Variants in RBFOX1 observed in about 807,000 individuals in gnomAD.
The protein encoded by RBFOX1 is RNA binding fox-1 homolog 1.
In RBFOX1, 8 loss-of-function variants were observed where a neutral mutation model predicts 57.7. The observed-to-expected ratio is 0.14, with a 90% CI of 0.08 to 0.25. RBFOX1 has a LOEUF of 0.25. Among genes scored for constraint, RBFOX1 ranks in the 10% least tolerant of loss-of-function variants. The pLI, the probability that RBFOX1 is intolerant of heterozygous loss-of-function variation, is 1.00. For missense variants in RBFOX1, 611 were observed against 548.5 expected (o/e 1.11, Z -1.14); for synonymous variants, 326 against 222.4 (o/e 1.47, Z -4.15).
At chr16:7,517,246 C>G (rs1349779103) in intron 4 of RBFOX1, among the ~76,000 whole-genome samples, 1 of 149,562 alleles carries the variant, frequency 6.7e-6, no homozygotes, top group Non-Finnish European at 1.5e-5. Context: ...GAAATGGAAG[C>G]ATTTGTATTC....
intron 3 of RBFOX1, among the ~76,000 whole-genome samples, chr16:5,723,753 C>G (rs1218666399): frequency 6.6e-6 from 1 of 152,208 alleles, no homozygotes; most frequent in African/African-American, 2.4e-5. Context: ...GATCTTTGGT[C>G]TAAGGTTGAG....
At chr16:7,269,602 T>G (rs1474276724) in intron 4 of RBFOX1, among the ~76,000 whole-genome samples, 1 of 152,196 alleles carries the variant, frequency 6.6e-6, no homozygotes, top group Admixed American at 6.5e-5. Flanking sequence ...TTTGGGAAAT[T>G]ACATGTAATG....
At chr16:6,901,272 T>C (rs937224568) in intron 3 of RBFOX1, among the ~76,000 whole-genome samples, 2 of 152,196 alleles carry the variant, frequency 1.3e-5, no homozygotes, top group Non-Finnish European at 2.9e-5. Flanking sequence ...TGTTCATCTC[T>C]TCTGTCTAAG....
chr16:6,951,702 C>G (rs1024489435), intron 3 of RBFOX1, among the ~76,000 whole-genome samples: 2 of 152,054 alleles, frequency 1.3e-5, no homozygotes, highest in African/African-American at 4.8e-5. Flanking sequence ...AATGTCCACC[C>G]AGATTCAAGG....
intron 4 of RBFOX1, among the ~76,000 whole-genome samples, chr16:7,107,969 A>G (rs2063911065): frequency 6.7e-6 from 1 of 150,240 alleles, no homozygotes; most frequent in Non-Finnish European, 1.5e-5. Flanking sequence ...ATTATTTTGA[A>G]AAATGCAATT....
chr16:7,628,773 C>G (rs1226632338), intron 10 of RBFOX1, among the ~76,000 whole-genome samples: 1 of 152,058 alleles, frequency 6.6e-6, no homozygotes, highest in Non-Finnish European at 1.5e-5. Flanking sequence ...CCACCACACC[C>G]AGCTAATTTT....
chr16:6,951,571 TTCTC>T (rs1568043575), intron 3 of RBFOX1, among the ~76,000 whole-genome samples: 2 of 152,146 alleles, frequency 1.3e-5, no homozygotes, highest in East Asian at 3.9e-4. Flanking sequence ...AGATCTCTCT[TTCTC>T]TCCTTGTACC....
intron 3 of RBFOX1, among the ~76,000 whole-genome samples, chr16:6,899,391 G>A (rs1296934619): frequency 6.6e-6 from 1 of 152,074 alleles, no homozygotes; most frequent in African/African-American, 2.4e-5. Context: ...GGCCCTCTTG[G>A]CTCAAAATTT....
At chr16:7,305,436 G>A (rs935558918) in intron 4 of RBFOX1, among the ~76,000 whole-genome samples, 1 of 152,098 alleles carries the variant, frequency 6.6e-6, no homozygotes, top group Non-Finnish European at 1.5e-5. Context: ...AAGGGGTTTT[G>A]TCATGCAGAT....
At chr16:5,735,763 C>A (rs1208932538) in intron 3 of RBFOX1, among the ~76,000 whole-genome samples, 1 of 152,044 alleles carries the variant, frequency 6.6e-6, no homozygotes, top group Non-Finnish European at 1.5e-5. Context: ...TGTAATCCTG[C>A]TACTCTGGAG....
intron 5 of RBFOX1, among the ~76,000 whole-genome samples, chr16:7,569,081 G>A (rs1373475340): frequency 1.3e-5 from 2 of 151,746 alleles, no homozygotes; most frequent in African/African-American, 4.8e-5. Context: ...ATCCGTTATC[G>A]CTTTTTCTTC....
At position 6,425,426 on chromosome 16, in the gene RBFOX1, C is replaced by A. The variant is rs571661152; in HGVS notation, c.-64+108369C>A. 2.2e-3 allele frequency among the ~76,000 whole-genome samples: 338 copies of A among 152,248 alleles called. 2 individuals carry two copies. The highest frequency in any genetic ancestry group is 7.9e-3 in the African/African-American group (327 of 41,544). On this transcript the variant is annotated intron_variant, in intron 2 of 15. Coordinates refer to ENST00000550418, the MANE Select transcript of RBFOX1 (RefSeq NM_018723.4). Reference sequence around the variant, plus strand: ...AAAAATGGCAGTAGTGTTCAATTTGCCTTCTGCACACCCCCTACCCAACCT... The same window carrying A: ...AAAAATGGCAGTAGTGTTCAATTTGACTTCTGCACACCCCCTACCCAACCT...
Position 6,581,618 on chromosome 16 carries a change from A to G in RBFOX1, c.-63-72985A>G, listed in dbSNP as rs151036791. ...ATGTCAGTCATGTTGCCTGTCTATG[A>G]AAATACTACATGAGCTTCTCAGAAA... On this transcript the variant is annotated intron_variant, in intron 2 of 15. Transcript: ENST00000550418. 7.9e-3 allele frequency among the ~76,000 whole-genome samples: 1,199 copies of G among 152,302 alleles called. 4 individuals are homozygous for G. Among genetic ancestry groups the G allele is most frequent in the Middle Eastern group, 0.027 (8 of 292 alleles).
chr16:5,259,805 G>A (rs1296519247), intron 1 of RBFOX1, among the ~76,000 whole-genome samples: 1 of 152,146 alleles, frequency 6.6e-6, no homozygotes, highest in Non-Finnish European at 1.5e-5. Context: ...ATGTTTCTGT[G>A]TCACCCTCAG....
intron 5 of RBFOX1, among the ~76,000 whole-genome samples, chr16:7,535,829 A>T (rs1053584591): frequency 6.6e-6 from 1 of 152,232 alleles, no homozygotes; most frequent in Admixed American, 6.5e-5. Context: ...TGCCTTATTC[A>T]TCACTTTTAT....
At chr16:7,204,133 A>G (rs1428329136) in intron 4 of RBFOX1, among the ~76,000 whole-genome samples, 3 of 152,248 alleles carry the variant, frequency 2.0e-5, no homozygotes, top group East Asian at 1.9e-4. Context: ...CCCACAGGGT[A>G]TCTGCAGATA....
intron 4 of RBFOX1, among the ~76,000 whole-genome samples, chr16:5,902,989 C>A (rs2058344210): frequency 1.3e-5 from 2 of 152,086 alleles, no homozygotes; most frequent in Admixed American, 1.3e-4. Flanking sequence ...TAAACTCCCC[C>A]ACCCTCAACA....
intron 3 of RBFOX1, chr16:5,610,764 A>C (rs752880827): frequency 6.6e-6 from 1 of 152,218 alleles, no homozygotes; most frequent in Non-Finnish European, 1.5e-5. Context: ...GCCACTCCAG[A>C]GGCTGAGGTG....
intron 2 of RBFOX1, among the ~76,000 whole-genome samples, chr16:6,551,905 A>G (rs913992420): frequency 2.0e-5 from 3 of 152,202 alleles, no homozygotes. Flanking sequence ...AGTGTCCTTC[A>G]GGATCCAGTC....
Sources: gnomAD v4.1 joint callset for allele counts (sites outside exome capture counted in the v4.1 genomes callset) on GRCh38, gnomAD v4.1.1 for gene constraint, MANE v1.5 for transcripts, NCBI Gene and HGNC (gene_info 2026-07-23, HGNC 2026-07-21) for gene names.